Variants in UBAC2 observed in about 807,000 individuals in gnomAD.
UBAC2 encodes the protein UBA domain containing 2.
Under a neutral mutation model 44.0 loss-of-function variants are expected in UBAC2, and 26 were observed. That is an observed-to-expected ratio of 0.59 (90% confidence interval 0.43 to 0.82). The LOEUF (loss-of-function observed/expected upper bound fraction) is 0.82. UBAC2 is among the 40% of genes least tolerant of loss of function. The pLI, the probability that UBAC2 is intolerant of heterozygous loss-of-function variation, is 0.00. For synonymous variants in UBAC2, 155 were observed against 154.3 expected, an observed-to-expected ratio of 1.00 and a Z score of -0.04; for missense variants, 329 against 419.4, an observed-to-expected ratio of 0.78 and a Z score of 1.88.
At chr13:99,277,639 T>A (rs756748972) in intron 4 of UBAC2, among the ~76,000 whole-genome samples, 2 of 152,380 alleles carry the variant, frequency 1.3e-5, no homozygotes, top group Non-Finnish European at 2.9e-5. Context: ...TAGTTACCTC[T>A]ACAATCATTC....
In UBAC2 at chr13:99,295,392, C is replaced by T; in HGVS notation, c.390-18705C>T. 1 of 1,614,008 alleles carries T rather than the reference C, an allele frequency of 6.2e-7. No individual in the cohort carries two copies. Among genetic ancestry groups the T allele is most frequent in the East Asian group, 2.2e-5 (1 of 44,880 alleles). On this transcript the variant is annotated intron_variant, in intron 4 of 8. Coordinates refer to ENST00000403766, the MANE Select transcript of UBAC2 (RefSeq NM_001144072.2). The surrounding 1 kb of genome is among the most constrained non-coding windows in gnomAD (Gnocchi z 4.1). The stretch of plus-strand genomic sequence containing the variant: ...TAAGGTGTGAAACAGAGAACAAACA[C>T]AACAATAATAAGAATAATTGTGTTG...
intron 8 of UBAC2, among the ~76,000 whole-genome samples, chr13:99,370,430 T>C (rs2045389748): frequency 6.6e-6 from 1 of 152,248 alleles, no homozygotes; most frequent in African/African-American, 2.4e-5. Flanking sequence ...TTTCAAAATC[T>C]ATAAAAGAAA....
intron 5 of UBAC2, among the ~76,000 whole-genome samples, chr13:99,316,418 G>GGATGA (rs2044491286): frequency 6.7e-6 from 1 of 148,412 alleles, no homozygotes; most frequent in Non-Finnish European, 1.5e-5. Context: ...TGAATGAATG[G>GGATGA]ATGAATGAAT....
intron 7 of UBAC2, among the ~76,000 whole-genome samples, chr13:99,341,264 T>G (rs768216402): frequency 5.9e-5 from 9 of 152,200 alleles, no homozygotes; most frequent in African/African-American, 9.7e-5. Context: ...CTGGGGTAGT[T>G]GTAAACCGTA....
At chr13:99,228,105 C>A (rs957459842) in intron 1 of UBAC2, among the ~76,000 whole-genome samples, 2 of 152,000 alleles carry the variant, frequency 1.3e-5, no homozygotes, top group African/African-American at 4.8e-5. Context: ...CTGACGGGGC[C>A]CATTGCACAA....
At chr13:99,359,486 A>G (rs895465697) in intron 7 of UBAC2, among the ~76,000 whole-genome samples, 2 of 152,138 alleles carry the variant, frequency 1.3e-5, no homozygotes, top group African/African-American at 4.8e-5. Flanking sequence ...CCCCTTTGTC[A>G]GAGACTCCTG....
chr13:99,347,324 C>T lies in UBAC2; in HGVS notation c.807+6759C>T, dbSNP rs895540224. Among the ~76,000 whole-genome samples, 6 of 76,082 alleles carry T rather than the reference C, an allele frequency of 7.9e-5. 2 individuals are homozygous for T. The highest frequency in any genetic ancestry group is 2.2e-4 in the African/African-American group (6 of 27,872). The allele number at this position is 76,082 out of a possible 152,430, so 49.9% of individuals were successfully genotyped here. A position where few individuals can be genotyped will look rare whatever the true frequency, so the allele number is the denominator to read the frequency against. ...AGACGTTACTATCCCCGGGCGCCCC[C>T]CCCCCCCCCCAGGAAAAAAAAGGCA... On this transcript the variant is annotated intron_variant, in intron 7 of 8. Coordinates refer to ENST00000403766, the MANE Select transcript of UBAC2 (RefSeq NM_001144072.2).
chr13:99,295,969 G>A lies in UBAC2; in HGVS notation c.390-18128G>A. 1 of 1,614,012 alleles carries A rather than the reference G, an allele frequency of 6.2e-7. No homozygotes were observed. Among genetic ancestry groups the A allele is most frequent in the Non-Finnish European group, 8.5e-7 (1 of 1,179,948 alleles). ...GGGTGGTAGAGTTGATTTTTTTCCT[G>A]TTTTGAACAATGACGACCAAGGCTA... On this transcript the variant is annotated intron_variant, in intron 4 of 8. Coordinates refer to ENST00000403766, the MANE Select transcript of UBAC2 (RefSeq NM_001144072.2). The surrounding 1 kb of genome is among the most constrained non-coding windows in gnomAD (Gnocchi z 4.1).
chr13:99,228,450 C>T (rs943852952), intron 1 of UBAC2, among the ~76,000 whole-genome samples: 5 of 152,052 alleles, frequency 3.3e-5, no homozygotes, highest in Admixed American at 1.3e-4. Flanking sequence ...CACCCCACCA[C>T]GCCCGGCTAA....
intron 6 of UBAC2, among the ~76,000 whole-genome samples, chr13:99,337,308 C>G (rs1352997725): frequency 3.9e-5 from 6 of 152,002 alleles, no homozygotes; most frequent in Admixed American, 3.9e-4. Context: ...TTTATTATCA[C>G]TAGGGTTGGT....
chr13:99,295,366 G>T lies in UBAC2; in HGVS notation c.390-18731G>T. The T allele has an allele frequency of 6.2e-7, 1 of 1,613,864 alleles. No homozygotes were observed. On this transcript the variant is annotated intron_variant, in intron 4 of 8. Transcript: ENST00000403766. This position sits in a 1 kb window ranked among gnomAD's most constrained non-coding sequence, Gnocchi z 4.1. ...TCATATGTTGAATAATTGCAACATG[G>T]TAAGGTGTGAAACAGAGAACAAACA...
At chr13:99,260,223 G>A (rs1404363943) in intron 4 of UBAC2, among the ~76,000 whole-genome samples, 2 of 152,156 alleles carry the variant, frequency 1.3e-5, no homozygotes, top group Non-Finnish European at 2.9e-5. Flanking sequence ...ATCCCTGCAG[G>A]TTTCCTTAGC....
At position 99,340,534 on chromosome 13, in the gene UBAC2, T is replaced by G; in HGVS notation, c.776T>G (p.Phe259Cys). 6.2e-7 allele frequency: 1 copy of G among 1,614,158 alleles called. No homozygotes were observed. The highest frequency in any genetic ancestry group is 8.5e-7 in the Non-Finnish European group (1 of 1,180,028). ...GACCGGCAGCTGATGTTCTCTCAGT[T>G]TGCACAAGGGAGGCGACAGAGACAG... Reference protein sequence around the residue: ...LLDRQLMFSQFAQGRRQRQQQ... With the variant: ...LLDRQLMFSQCAQGRRQRQQQ... Residue 259 changes from phenylalanine (F) to cysteine (C), a missense_variant, in exon 7 of 9, where the codon TTT (phenylalanine) becomes TGT (cysteine). Coordinates refer to ENST00000403766, the MANE Select transcript of UBAC2 (RefSeq NM_001144072.2).
At position 99,367,926 on chromosome 13, in the gene UBAC2, T is replaced by C; in HGVS notation, c.927+20T>C. The C allele has an allele frequency of 6.2e-7, 1 of 1,605,196 alleles. No individual in the cohort carries two copies. Among genetic ancestry groups the C allele is most frequent in the Non-Finnish European group, 8.5e-7 (1 of 1,175,930 alleles). On this transcript the variant is annotated intron_variant, in intron 8 of 8. Coordinates refer to ENST00000403766, the MANE Select transcript of UBAC2 (RefSeq NM_001144072.2). ...GAACAGGTAATTAATCAGTAATACC[T>C]GGTACTCATTCTAAATCCATGTTTC...
chr13:99,298,967 A>G (rs2044217369), intron 4 of UBAC2, among the ~76,000 whole-genome samples: 1 of 152,196 alleles, frequency 6.6e-6, no homozygotes, highest in Non-Finnish European at 1.5e-5. Flanking sequence ...CTAAATGTAT[A>G]TTTTTGAGTA....
intron 1 of UBAC2, among the ~76,000 whole-genome samples, chr13:99,226,801 C>T (rs1211513478): frequency 6.6e-6 from 1 of 151,966 alleles, no homozygotes; most frequent in Non-Finnish European, 1.5e-5. Flanking sequence ...GCTTTTTTTT[C>T]CTCCAGAATC....
intron 4 of UBAC2, among the ~76,000 whole-genome samples, chr13:99,296,677 T>C (rs911543190): frequency 1.3e-5 from 2 of 152,184 alleles, no homozygotes; most frequent in Admixed American, 6.6e-5. Context: ...CTTACCACAG[T>C]GATCTGATTT....
chr13:99,225,037 G>T (rs2043095565), intron 1 of UBAC2, among the ~76,000 whole-genome samples: 1 of 152,136 alleles, frequency 6.6e-6, no homozygotes, highest in Non-Finnish European at 1.5e-5. Context: ...TATCAGATCT[G>T]TATTTTTAGG....
In UBAC2 at chr13:99,350,260, G is replaced by A. The variant is rs149130191; in HGVS notation, c.807+9695G>A. Among the ~76,000 whole-genome samples the A allele has an allele frequency of 7.2e-5, 11 of 151,726 alleles. No homozygotes were observed. In the East Asian group the frequency reaches 1.4e-3, roughly 19 times the overall value. On this transcript the variant is annotated intron_variant, in intron 7 of 8. Coordinates refer to ENST00000403766, the MANE Select transcript of UBAC2 (RefSeq NM_001144072.2). ...AGTTGTGCCTTCAGTTTCTTACCTCGGCACCTAGGTAATCCTTCGCCCACA... is the reference window on the plus strand; with the variant it reads ...AGTTGTGCCTTCAGTTTCTTACCTCAGCACCTAGGTAATCCTTCGCCCACA...
Sources: gnomAD v4.1 joint callset for allele counts (sites outside exome capture counted in the v4.1 genomes callset) on GRCh38, gnomAD v4.1.1 for gene constraint, Gnocchi (gnomAD v3.1) non-coding constraint, MANE v1.5 for transcripts, NCBI Gene and HGNC (gene_info 2026-07-23, HGNC 2026-07-21) for gene names.